The following SLC38A6 variants were observed in gnomAD, a reference collection of about 807,000 sequenced individuals.
SLC38A6 encodes N system amino acid transporter NAT-1.
In SLC38A6, 73 loss-of-function variants were observed where a neutral mutation model predicts 65.0. The ratio of observed to expected loss-of-function variants is 1.12; its 90% confidence interval spans 0.93 to 1.37. The LOEUF (loss-of-function observed/expected upper bound fraction) is 1.37, where lower values mean the gene tolerates loss of function less well. SLC38A6 is among the 40% of genes most tolerant of loss of function. SLC38A6 has a pLI of 0.00. For synonymous variants in SLC38A6, 183 were observed against 178.8 expected (o/e 1.02, Z -0.19); for missense variants, 561 against 531.1 (o/e 1.06, Z -0.55).
rs567384048 is a variant in SLC38A6 at position 61,083,596 on chromosome 14, G to A, written c.1450G>A (p.Ala484Thr). The A allele has an allele frequency of 1.9e-5, 30 of 1,550,434 alleles. No homozygotes were observed. The Admixed American group carries it at 2.5e-4, about 13-fold the overall frequency. Reference sequence around the variant, plus strand: ...GATGTGCACCCAGAGGAAAGGCCACGCAAGGACACAGCAAGAAGGCAACTG... The same window carrying A: ...GATGTGCACCCAGAGGAAAGGCCACACAAGGACACAGCAAGAAGGCAACTG... The change falls in exon 17 of 17, where the codon GCA (alanine) becomes ACA (threonine). Residue 484 changes from alanine to threonine, a missense_variant. By Grantham distance (58) the Ala-to-Thr change is moderately conservative. Transcript: ENST00000354886.
chr14:61,029,665 C>A (rs188323576), intron 5 of SLC38A6, among the ~76,000 whole-genome samples: 1 of 151,960 alleles, frequency 6.6e-6, no homozygotes, highest in East Asian at 1.9e-4. Flanking sequence ...GAATTAGGAT[C>A]GTTATTAAAG....
At chr14:61,082,523 C>A (rs1293239729) in intron 16 of SLC38A6, among the ~76,000 whole-genome samples, 1 of 152,134 alleles carries the variant, frequency 6.6e-6, no homozygotes, top group East Asian at 1.9e-4. Context: ...GCTCTCATGC[C>A]GAGCTTAGGT....
Position 61,015,943 on chromosome 14 carries a change from G to T in SLC38A6, c.350G>T (p.Gly117Val), listed in dbSNP as rs749369988. 5.6e-6 allele frequency: 9 copies of T among 1,606,678 alleles called. No individual in the cohort carries two copies. Among genetic ancestry groups the T allele is most frequent in the Non-Finnish European group, 5.1e-6 (6 of 1,178,158 alleles). ...GAAGATCTTGGACTCTTTGCATTTG[G>T]ATTACCTGGAAAGGTAATTTTTTTT... ...SYEDLGLFAF[G>V]LPGKLVVAGT... Residue 117 changes from glycine (G) to valine (V), a missense_variant, in exon 4 of 16, where the codon GGA becomes GTA. By Grantham distance (109) the Gly-to-Val change is moderately radical (BLOSUM62 -3). Coordinates refer to ENST00000267488, the MANE Select transcript of SLC38A6 (RefSeq NM_153811.3).
intron 10 of SLC38A6, 51 bp downstream of exon 10, chr14:61,043,554 T>G (rs1248692552): frequency 7.1e-7 from 1 of 1,402,888 alleles, no homozygotes; most frequent in Non-Finnish European, 9.9e-7. Context: ...CATTTCAAGT[T>G]TTAAGAGGTT....
At chr14:61,055,050 G>T (rs1488224990), downstream of SLC38A6, among the ~76,000 whole-genome samples, 6 of 90,220 alleles carry the variant, frequency 6.7e-5, no homozygotes, top group Non-Finnish European at 1.2e-4. Context: ...TACCTAGTTT[G>T]TTGAGAGTTT....
chr14:60,990,704 C>T lies in SLC38A6; in HGVS notation c.310+5901C>T, dbSNP rs148427048. On this transcript the variant is annotated intron_variant, in intron 3 of 15. Transcript: ENST00000267488. ...CTGGAATGTAGTGGCGTGAACATAG[C>T]TCACTGCAGCCTCGACCTCCTGCCT... Among the ~76,000 whole-genome samples the T allele has an allele frequency of 1.7e-3, 266 of 152,114 alleles. 1 individual carries two copies. Among genetic ancestry groups the T allele is most frequent in the African/African-American group, 6.2e-3 (256 of 41,450 alleles).
At chr14:61,052,315 T>A (rs2139871470) in intron 15 of SLC38A6, 34 bp from the exon 16 acceptor site, 2 of 1,501,758 alleles carry the variant, frequency 1.3e-6, no homozygotes, top group East Asian at 2.4e-5. Flanking sequence ...TCTTTTATCT[T>A]TCTTATCTTT....
exon 17 of SLC38A6, chr14:61,083,709 A>G: frequency 1.3e-6 from 2 of 1,547,662 alleles, no homozygotes; most frequent in East Asian, 4.9e-5. Context: ...CTGTGAGCAA[A>G]TAAATGATGT....
rs189482672 is a variant in SLC38A6, at chr14:61,019,625, A to G, written c.403+45A>G. On this transcript the variant is annotated intron_variant, in intron 5 of 15. Coordinates refer to ENST00000267488, the MANE Select transcript of SLC38A6 (RefSeq NM_153811.3). ...CTGTTTATACATAAATGTGATGGCA[A>G]TAATGTCCTTTGAATTGTTATCTTA... is the stretch of plus-strand genomic sequence containing the variant. 1.0e-4 allele frequency: 162 copies of G among 1,574,790 alleles called. No homozygotes were observed. In the Admixed American group the frequency reaches 2.5e-3, roughly 24 times the overall value.
intron 4 of SLC38A6, among the ~76,000 whole-genome samples, chr14:61,018,882 C>G (rs949071642): frequency 6.6e-6 from 1 of 152,150 alleles, no homozygotes; most frequent in Non-Finnish European, 1.5e-5. Context: ...TCCACATTCT[C>G]ACATATTATC....
intron 5 of SLC38A6, among the ~76,000 whole-genome samples, chr14:61,028,516 G>T (rs377742604): frequency 6.6e-6 from 1 of 152,182 alleles, no homozygotes. Context: ...AATGGAGAAG[G>T]TTAGTCTAAA....
At chr14:61,064,684 A>G (rs1265688138) in intron 15 of SLC38A6, among the ~76,000 whole-genome samples, 2 of 150,836 alleles carry the variant, frequency 1.3e-5, no homozygotes, top group African/African-American at 4.9e-5. Context: ...CCTTGTTCAA[A>G]TGCCCCTCAG....
intron 3 of SLC38A6, among the ~76,000 whole-genome samples, chr14:60,997,007 T>A (rs1413938787): frequency 6.6e-6 from 1 of 152,152 alleles, no homozygotes; most frequent in Non-Finnish European, 1.5e-5. Context: ...TTACCAAAGT[T>A]AGAGAGTAAC....
intron 3 of SLC38A6, chr14:61,002,132 T>C (rs1246017652): frequency 6.6e-6 from 1 of 152,222 alleles, no homozygotes; most frequent in Non-Finnish European, 1.5e-5. Context: ...ATCATCTCTA[T>C]ATATGCAATA....
rs569742492 is a variant in SLC38A6, at chr14:61,036,270, G to A, written c.483-789G>A. ...TTTCAAAATTATCATGGTCTTGGAG[G>A]TTTGTTTTCAATTTTTATTATTTTA... On this transcript the variant is annotated intron_variant, in intron 6 of 15. Coordinates refer to ENST00000267488, the MANE Select transcript of SLC38A6 (RefSeq NM_153811.3). Among the ~76,000 whole-genome samples the A allele has an allele frequency of 1.2e-4, 19 of 152,072 alleles. No individual in the cohort carries two copies. In the East Asian group the frequency reaches 3.3e-3, roughly 26 times the overall value.
At chr14:60,989,736 A>T (rs1198048597) in intron 3 of SLC38A6, among the ~76,000 whole-genome samples, 2 of 152,134 alleles carry the variant, frequency 1.3e-5, no homozygotes, top group Non-Finnish European at 2.9e-5. Flanking sequence ...AAAAAGAAAA[A>T]GAATTATCTA....
At chr14:61,062,133 T>G (rs1003819177) in intron 15 of SLC38A6, among the ~76,000 whole-genome samples, 2 of 152,200 alleles carry the variant, frequency 1.3e-5, no homozygotes, top group Non-Finnish European at 2.9e-5. Context: ...GCCCAGCCCC[T>G]GTGTAGGTTT....
At chr14:60,997,893 A>G (rs371686551) in intron 3 of SLC38A6, among the ~76,000 whole-genome samples, 6 of 152,274 alleles carry the variant, frequency 3.9e-5, no homozygotes, top group African/African-American at 1.4e-4. Context: ...AAATGAGTTC[A>G]GTTTTAGACT....
chr14:61,051,664 T>G, intron 13 of SLC38A6, 123 bp from the exon 14 acceptor site: 1 of 974,936 alleles, frequency 1.0e-6, no homozygotes, highest in East Asian at 2.5e-5. Context: ...GTTTATGCTG[T>G]ATTTTTGAAA....
Sources: allele counts gnomAD v4.1 joint callset (sites outside exome capture counted in the v4.1 genomes callset), GRCh38; gene constraint gnomAD v4.1.1; transcripts MANE v1.5; gene names NCBI Gene and HGNC (gene_info 2026-07-23, HGNC 2026-07-21).